Variants in KCNT2 observed in about 807,000 individuals in gnomAD.
The protein encoded by KCNT2 is potassium channel subfamily T member 2.
KCNT2 carries 67 observed loss-of-function variants against 153.8 expected under a neutral mutation model. That is an observed-to-expected ratio of 0.44 (90% CI 0.36 to 0.53). KCNT2 has a LOEUF of 0.53. KCNT2 is among the 20% of genes least tolerant of loss of function. The pLI is 0.00. For synonymous variants in KCNT2, 500 were observed against 458.8 expected (o/e 1.09, Z -1.15); for missense variants, 975 against 1,354.8 (o/e 0.72, Z 4.40).
At chr1:196,274,288 T>C (rs141366534) in intron 25 of KCNT2, among the ~76,000 whole-genome samples, 1 of 151,690 alleles carries the variant, frequency 6.6e-6, no homozygotes, top group African/African-American at 2.4e-5. Flanking sequence ...CATTTTCAAG[T>C]ATATTATTTG....
At chr1:196,255,777 A>T (rs1271295848) in intron 26 of KCNT2, among the ~76,000 whole-genome samples, 1 of 151,924 alleles carries the variant, frequency 6.6e-6, no homozygotes. Flanking sequence ...TACAAGTGAA[A>T]TATTGTGTAC....
intron 8 of KCNT2, among the ~76,000 whole-genome samples, chr1:196,433,993 C>A (rs745901282): frequency 8.6e-5 from 13 of 151,912 alleles, no homozygotes; most frequent in Non-Finnish European, 1.6e-4. Flanking sequence ...CTTCAGGTCT[C>A]CAAAATGGCC....
At chr1:196,405,753 C>G (rs926263669) in intron 12 of KCNT2, among the ~76,000 whole-genome samples, 1 of 151,432 alleles carries the variant, frequency 6.6e-6, no homozygotes, top group African/African-American at 2.4e-5. Context: ...ACCCTGCATA[C>G]TTTGAGTATA....
intron 4 of KCNT2, 51 bp downstream of exon 4, chr1:196,482,280 G>C (rs1679076015): frequency 8.5e-7 from 1 of 1,172,040 alleles, no homozygotes; most frequent in Admixed American, 2.2e-5. Flanking sequence ...ACTTCTCTGT[G>C]AAATGTGAAT....
chr1:196,312,190 G>A (rs551642673), intron 21 of KCNT2, among the ~76,000 whole-genome samples: 135 of 151,738 alleles, frequency 8.9e-4, no homozygotes, highest in African/African-American at 3.2e-3. Flanking sequence ...ACCCGAGGAA[G>A]ATCTTATCTC....
At chr1:196,241,165 T>C (rs1654921328) in intron 26 of KCNT2, among the ~76,000 whole-genome samples, 2 of 151,884 alleles carry the variant, frequency 1.3e-5, no homozygotes, top group South Asian at 2.1e-4. Context: ...AAGAAATAGG[T>C]GCTATATGAG....
intron 1 of KCNT2, among the ~76,000 whole-genome samples, chr1:196,537,518 G>A (rs1455008833): frequency 6.6e-6 from 1 of 152,142 alleles, no homozygotes; most frequent in Non-Finnish European, 1.5e-5. Flanking sequence ...GTGGACCAGT[G>A]GATTGTAAAC....
intron 21 of KCNT2, among the ~76,000 whole-genome samples, chr1:196,305,587 T>A (rs1051270382): frequency 6.6e-6 from 1 of 152,150 alleles, no homozygotes; most frequent in Non-Finnish European, 1.5e-5. Flanking sequence ...TTGGCTTTTT[T>A]TAGACATTTT....
In KCNT2 at chr1:196,227,978, T is replaced by A; in HGVS notation, c.*246A>T. Reference sequence around the variant, plus strand: ...ATTATAAAACAATTAAATGTCAGATTTAAATTTTTGTATTTTAATTTAGCT... The same window carrying A: ...ATTATAAAACAATTAAATGTCAGATATAAATTTTTGTATTTTAATTTAGCT... On this transcript the variant is annotated 3_prime_UTR_variant, in exon 28 of 28. Coordinates refer to ENST00000294725, the MANE Select transcript of KCNT2 (RefSeq NM_198503.5). 1 of 312,650 alleles carries A rather than the reference T, an allele frequency of 3.2e-6. No homozygotes were observed. Among genetic ancestry groups the A allele is most frequent in the Non-Finnish European group, 5.8e-6 (1 of 172,222 alleles). The allele number at this position is 312,650 out of a possible 1,614,324, so 19.4% of individuals were successfully genotyped here. A position where few individuals can be genotyped will look rare whatever the true frequency, so the allele number is the denominator to read the frequency against.
chr1:196,466,089 G>A (rs1419429665), intron 7 of KCNT2, among the ~76,000 whole-genome samples: 2 of 151,980 alleles, frequency 1.3e-5, no homozygotes, highest in Non-Finnish European at 2.9e-5. Context: ...CTGGCGAAAA[G>A]AGATATGGAA....
At chr1:196,240,484 GTAT>G (rs1425188408) in intron 26 of KCNT2, among the ~76,000 whole-genome samples, 2 of 151,944 alleles carry the variant, frequency 1.3e-5, no homozygotes, top group African/African-American at 2.4e-5. Flanking sequence ...TAAAGGTTAT[GTAT>G]TATTATAGTA....
chr1:196,331,835 C>A (rs570773283), intron 17 of KCNT2, among the ~76,000 whole-genome samples: 3 of 151,930 alleles, frequency 2.0e-5, no homozygotes, highest in African/African-American at 7.2e-5. Flanking sequence ...ACTACATAAC[C>A]GAAATGGAAC....
At chr1:196,257,769 A>G in intron 26 of KCNT2, 1 of 984,040 alleles carries the variant, frequency 1.0e-6, no homozygotes, top group Non-Finnish European at 1.2e-6. Context: ...CACTAAACAA[A>G]TTTTATAAGA....
chr1:196,349,481 T>A (rs1341668860), intron 14 of KCNT2, among the ~76,000 whole-genome samples: 1 of 152,074 alleles, frequency 6.6e-6, no homozygotes, highest in Non-Finnish European at 1.5e-5. Context: ...AACCACATGA[T>A]GCCTATCTTA....
chr1:196,600,720 A>G (rs543325081), intron 1 of KCNT2, among the ~76,000 whole-genome samples: 2 of 152,326 alleles, frequency 1.3e-5, no homozygotes, highest in East Asian at 1.9e-4. Flanking sequence ...AACAGTATCT[A>G]TGCTCAATAT....
At chr1:196,438,294 T>C (rs568982740) in intron 8 of KCNT2, among the ~76,000 whole-genome samples, 1 of 151,754 alleles carries the variant, frequency 6.6e-6, no homozygotes, top group African/African-American at 2.4e-5. Flanking sequence ...AACGATAGAG[T>C]CAGGGATTAT....
intron 26 of KCNT2, among the ~76,000 whole-genome samples, chr1:196,242,135 A>T (rs922986393): frequency 1.3e-5 from 2 of 152,164 alleles, no homozygotes; most frequent in African/African-American, 4.8e-5. Flanking sequence ...AGTTTCTTTC[A>T]AAATACTATG....
intron 1 of KCNT2, among the ~76,000 whole-genome samples, chr1:196,536,660 G>T (rs1169145175): frequency 2.0e-5 from 3 of 152,190 alleles, no homozygotes; most frequent in Non-Finnish European, 4.4e-5. Context: ...CTTTGCTAAA[G>T]TGGATGTCTA....
At chr1:196,388,497 T>C (rs918859216) in intron 13 of KCNT2, among the ~76,000 whole-genome samples, 1 of 151,714 alleles carries the variant, frequency 6.6e-6, no homozygotes, top group Non-Finnish European at 1.5e-5. Context: ...ATAATTAACA[T>C]GTTAAAATAT....
Sources: allele counts gnomAD v4.1 joint callset (sites outside exome capture counted in the v4.1 genomes callset), GRCh38; gene constraint gnomAD v4.1.1; transcripts MANE v1.5; gene names NCBI Gene and HGNC (gene_info 2026-07-23, HGNC 2026-07-21).